KIAA1549: variants seen among roughly 807,000 people sequenced by gnomAD.
KIAA1549 encodes KIAA1549.
In KIAA1549, 70 loss-of-function variants were observed where a neutral mutation model predicts 156.4. That is an observed-to-expected ratio of 0.45 (90% CI 0.37 to 0.55). KIAA1549 has a LOEUF of 0.55. KIAA1549 is among the 20% of genes least tolerant of loss of function. KIAA1549 has a pLI of 0.00. For synonymous variants in KIAA1549, 1,103 were observed against 1,066.4 expected (o/e 1.03, Z -0.67); for missense variants, 2,428 against 2,540.9 (o/e 0.96, Z 0.96).
chr7:138,940,585 G>A (rs1221912172), intron 1 of KIAA1549, among the ~76,000 whole-genome samples: 17 of 151,816 alleles, frequency 1.1e-4, no homozygotes, highest in African/African-American at 3.6e-4. Context: ...CTGAGGAATC[G>A]CTACAGTGAC....
Position 138,837,696 on chromosome 7 carries a change from AC to A in KIAA1549, c.*209del, listed in dbSNP as rs1451495070. ...GCCAAAATACATATATTTCAACTGA[AC>A]CCAAGTGTTCAGACAATTGCCAGCC... On this transcript the variant is annotated 3_prime_UTR_variant, in exon 20 of 20. Coordinates refer to ENST00000422774, the MANE Select transcript of KIAA1549 (RefSeq NM_001164665.2). 18 of 594,338 alleles carry A rather than the reference AC, an allele frequency of 3.0e-5. No homozygotes were observed. In the African/African-American group the frequency reaches 3.3e-4, roughly 11 times the overall value. The allele number at this position is 594,338 out of a possible 1,614,324, so 36.8% of individuals were successfully genotyped here. A position where few individuals can be genotyped will look rare whatever the true frequency, so the allele number is the denominator to read the frequency against.
At chr7:138,867,422 G>A (rs1471325301) in intron 15 of KIAA1549, among the ~76,000 whole-genome samples, 4 of 152,006 alleles carry the variant, frequency 2.6e-5, no homozygotes, top group African/African-American at 9.7e-5. Flanking sequence ...GGGCATGGTG[G>A]CATATGCCTA....
intron 1 of KIAA1549, among the ~76,000 whole-genome samples, chr7:138,976,806 G>A (rs1814393845): frequency 6.6e-6 from 1 of 152,132 alleles, no homozygotes; most frequent in African/African-American, 2.4e-5. Context: ...ATGCTCAGGG[G>A]CTAAAACGGA....
At chr7:138,930,486 A>G (rs1392890846) in intron 1 of KIAA1549, among the ~76,000 whole-genome samples, 1 of 152,240 alleles carries the variant, frequency 6.6e-6, no homozygotes, top group Non-Finnish European at 1.5e-5. Flanking sequence ...TCTGTTGTTT[A>G]GTCTAACTGC....
chr7:138,905,856 T>G (rs1584745475), intron 6 of KIAA1549, among the ~76,000 whole-genome samples: 1 of 152,248 alleles, frequency 6.6e-6, no homozygotes, highest in South Asian at 2.1e-4. Context: ...CTCTTTTCAG[T>G]ATACAGTTTT....
chr7:138,935,700 A>C (rs774985077), intron 1 of KIAA1549, among the ~76,000 whole-genome samples: 23 of 152,206 alleles, frequency 1.5e-4, no homozygotes, highest in Non-Finnish European at 3.1e-4. Context: ...CCGACGTCCA[A>C]GCTGCCAGGA....
rs545327792 is a variant in KIAA1549, at chr7:138,833,724, G to A, written c.*4182C>T. The A allele has an allele frequency of 4.3e-5, 10 of 233,018 alleles. No homozygotes were observed. Among genetic ancestry groups the A allele is most frequent in the African/African-American group, 6.6e-5 (3 of 45,430 alleles). The allele number at this position is 233,018 out of a possible 1,614,324, so 14.4% of individuals were successfully genotyped here. On this transcript the variant is annotated 3_prime_UTR_variant, in exon 20 of 20. Coordinates refer to ENST00000422774, the MANE Select transcript of KIAA1549 (RefSeq NM_001164665.2). ...CACTATGCTCCACAAAGGATATGGC[G>A]TGGCCAAACGGCTGCTTGAGATCTG...
At chr7:138,946,256 T>C (rs1813332880) in intron 1 of KIAA1549, among the ~76,000 whole-genome samples, 1 of 152,228 alleles carries the variant, frequency 6.6e-6, no homozygotes, top group African/African-American at 2.4e-5. Context: ...CTTTAAAACA[T>C]TGTTTTCTGC....
At chr7:138,860,276 C>T (rs955553444) in intron 16 of KIAA1549, among the ~76,000 whole-genome samples, 3 of 152,204 alleles carry the variant, frequency 2.0e-5, no homozygotes, top group African/African-American at 4.8e-5. Flanking sequence ...ATACTGGAGG[C>T]TCTCGGCCTC....
intron 15 of KIAA1549, among the ~76,000 whole-genome samples, chr7:138,862,458 T>C (rs910493927): frequency 6.1e-5 from 9 of 147,820 alleles, no homozygotes; most frequent in Admixed American, 4.1e-4. Flanking sequence ...GAGCTATGAC[T>C]GCCCCACTGC....
At chr7:138,956,282 GAGTT>G (rs1172136249) in intron 1 of KIAA1549, among the ~76,000 whole-genome samples, 1 of 152,176 alleles carries the variant, frequency 6.6e-6, no homozygotes, top group Non-Finnish European at 1.5e-5. Flanking sequence ...AAGGCATTCT[GAGTT>G]AGGATTCAGG....
chr7:138,937,202 A>ATTC (rs1813040994), intron 1 of KIAA1549, among the ~76,000 whole-genome samples: 1 of 151,538 alleles, frequency 6.6e-6, no homozygotes, highest in South Asian at 2.1e-4. Context: ...CCTTCCCGTA[A>ATTC]CTATCACACC....
At chr7:138,972,903 C>T (rs1814260973) in intron 1 of KIAA1549, among the ~76,000 whole-genome samples, 1 of 152,198 alleles carries the variant, frequency 6.6e-6, no homozygotes, top group Non-Finnish European at 1.5e-5. Flanking sequence ...CTCACTGTAA[C>T]ATCCGCCTCC....
chr7:138,981,315 G>T lies in KIAA1549; in HGVS notation c.-46C>A. On this transcript the variant is annotated 5_prime_UTR_variant, in exon 1 of 20. Transcript: ENST00000422774. This position sits in a 1 kb window ranked among gnomAD's most constrained non-coding sequence, Gnocchi z 4.5. ...CGGCCTCGCGGCTCAGCGGCTCTCG[G>T]GTCCGGGAGGGGCGGCCGCTGCGGC... The T allele has an allele frequency of 1.2e-6, 1 of 821,930 alleles. No individual in the cohort carries two copies. Among genetic ancestry groups the T allele is most frequent in the Non-Finnish European group, 1.5e-6 (1 of 683,486 alleles). The allele number at this position is 821,930 out of a possible 1,614,324, so 50.9% of individuals were successfully genotyped here. A position where few individuals can be genotyped will look rare whatever the true frequency, so the allele number is the denominator to read the frequency against.
chr7:138,871,394 C>A (rs775203060), intron 12 of KIAA1549, 32 bp from the exon 13 acceptor site: 1 of 1,480,676 alleles, frequency 6.8e-7, no homozygotes, highest in African/African-American at 1.4e-5. Flanking sequence ...AACACATACA[C>A]GAAGTCATCT....
chr7:138,948,226 G>T (rs186862433), intron 1 of KIAA1549, among the ~76,000 whole-genome samples: 6 of 152,232 alleles, frequency 3.9e-5, no homozygotes, highest in African/African-American at 1.2e-4. Flanking sequence ...CACTGTGGTG[G>T]GCCATAATCC....
intron 1 of KIAA1549, among the ~76,000 whole-genome samples, chr7:138,964,694 T>C (rs1813961800): frequency 6.6e-6 from 1 of 152,116 alleles, no homozygotes; most frequent in African/African-American, 2.4e-5. Context: ...TTTTTACCTA[T>C]GAGTTGGGCA....
chr7:138,840,715 C>T (rs1006018885), intron 18 of KIAA1549, among the ~76,000 whole-genome samples: 2 of 152,142 alleles, frequency 1.3e-5, no homozygotes, highest in African/African-American at 4.8e-5. Flanking sequence ...CTATGCGCCA[C>T]TCCTCTTTCC....
rs566586016 is a variant in KIAA1549, at chr7:138,836,894, G to A, written c.*1012C>T. The stretch of plus-strand genomic sequence containing the variant: ...GTAGGGATGTATGTATAACAATTTC[G>A]TGGTGCTGGGAATTATTAAATAACT... On this transcript the variant is annotated 3_prime_UTR_variant, in exon 20 of 20. Coordinates refer to ENST00000422774, the MANE Select transcript of KIAA1549 (RefSeq NM_001164665.2). 5.8e-5 allele frequency: 13 copies of A among 225,684 alleles called. No individual in the cohort carries two copies. The highest frequency in any genetic ancestry group is 2.4e-4 in the African/African-American group (11 of 45,038). 14.0% of individuals were successfully genotyped at this position (225,684 alleles called of 1,614,324 possible).
Sources: allele counts gnomAD v4.1 joint callset (sites outside exome capture counted in the v4.1 genomes callset), GRCh38; gene constraint gnomAD v4.1.1; non-coding constraint Gnocchi (gnomAD v3.1); transcripts MANE v1.5; gene names NCBI Gene and HGNC (gene_info 2026-07-23, HGNC 2026-07-21).